SAMD5: variants seen among roughly 807,000 people sequenced by gnomAD.
SAMD5 encodes the protein sterile alpha motif domain containing 5.
Under a neutral mutation model 11.3 loss-of-function variants are expected in SAMD5, and 13 were observed. The observed-to-expected ratio is 1.15, with a 90% confidence interval of 0.75 to 1.83. The LOEUF is 1.83. SAMD5 is among the 40% of genes most tolerant of loss of function. The pLI is 0.00. For missense variants in SAMD5, 255 were observed against 239.1 expected (o/e 1.07, Z -0.44); for synonymous variants, 129 against 111.3 (o/e 1.16, Z -1.00).
chr6:147,593,290 G>T (rs545307690), intron 1 of SAMD5, among the ~76,000 whole-genome samples: 1 of 152,270 alleles, frequency 6.6e-6, no homozygotes, highest in South Asian at 2.1e-4. Context: ...TGAGAGTCTA[G>T]TAGGGAGACA....
At chr6:147,908,385 A>AG in the SAMD5 span, among the ~76,000 whole-genome samples, 1 of 152,196 alleles carries the variant, frequency 6.6e-6, no homozygotes, top group Non-Finnish European at 1.5e-5. Context: ...CTCATGCTAC[A>AG]TGAAATGCTG....
chr6:147,888,800 A>G, the SAMD5 span, among the ~76,000 whole-genome samples: 1 of 151,516 alleles, frequency 6.6e-6, no homozygotes, highest in Non-Finnish European at 1.5e-5. Context: ...CAGGAGAATC[A>G]CTTGAACCCA....
intron 1 of SAMD5, among the ~76,000 whole-genome samples, chr6:147,599,892 G>T (rs1789589862): frequency 6.6e-6 from 1 of 152,186 alleles, no homozygotes; most frequent in South Asian, 2.1e-4. Flanking sequence ...TTAGTGTACT[G>T]CTAGGGCTCC....
chr6:147,908,880 G>C, the SAMD5 span, among the ~76,000 whole-genome samples: 85 of 152,248 alleles, frequency 5.6e-4, no homozygotes, highest in African/African-American at 2.0e-3. Flanking sequence ...TTCAATACCA[G>C]ATGCAGGCTA....
At chr6:147,604,402 C>A (rs1789667654) in intron 1 of SAMD5, among the ~76,000 whole-genome samples, 1 of 152,186 alleles carries the variant, frequency 6.6e-6, no homozygotes, top group Non-Finnish European at 1.5e-5. Context: ...AATTATGCCC[C>A]TTTCCCCCTA....
chr6:147,821,494 G>C, the SAMD5 span, among the ~76,000 whole-genome samples: 2 of 152,138 alleles, frequency 1.3e-5, no homozygotes, highest in African/African-American at 4.8e-5. Context: ...AAGCTCTCAC[G>C]GCTTTGCTCC....
At chr6:147,879,976 CT>C in the SAMD5 span, among the ~76,000 whole-genome samples, 2 of 152,080 alleles carry the variant, frequency 1.3e-5, no homozygotes, top group African/African-American at 2.4e-5. Context: ...TATTTTGCTT[CT>C]TTTTAGGATA....
At position 147,566,066 on chromosome 6, in the gene SAMD5, T is replaced by C; in HGVS notation, c.*1610T>C. 2 of 984,142 alleles carry C rather than the reference T, an allele frequency of 2.0e-6. No homozygotes were observed. The highest frequency in any genetic ancestry group is 2.4e-6 in the Non-Finnish European group (2 of 828,772). 61.0% of individuals were successfully genotyped at this position (984,142 alleles called of 1,614,324 possible). A position where few individuals can be genotyped will look rare whatever the true frequency, so the allele number is the denominator to read the frequency against. On this transcript the variant is annotated 3_prime_UTR_variant, in exon 2 of 2. Transcript: ENST00000367474. Reference sequence around the variant, plus strand: ...AGAATAGATAGGCCATTAAGAAGGATATTAGGTTTCTAAGGACAATTTTAA... The same window carrying C: ...AGAATAGATAGGCCATTAAGAAGGACATTAGGTTTCTAAGGACAATTTTAA...
downstream of SAMD5, among the ~76,000 whole-genome samples, chr6:147,740,974 A>C (rs1791871489): frequency 6.6e-6 from 1 of 152,176 alleles, no homozygotes; most frequent in African/African-American, 2.4e-5. Flanking sequence ...GGGATTCAAA[A>C]TTGACTGTGT....
chr6:147,835,691 G>A, the SAMD5 span, among the ~76,000 whole-genome samples: 2 of 151,952 alleles, frequency 1.3e-5, no homozygotes, highest in Admixed American at 1.3e-4. Context: ...CCCCCACATC[G>A]CTTGGATTCT....
the SAMD5 span, among the ~76,000 whole-genome samples, chr6:147,817,276 T>C: frequency 3.3e-5 from 5 of 152,388 alleles, no homozygotes; most frequent in South Asian, 8.3e-4. Flanking sequence ...GGAAAGTGAA[T>C]GGCCCAGCTG....
At chr6:147,587,544 A>G (rs1789392119) in intron 1 of SAMD5, among the ~76,000 whole-genome samples, 1 of 152,116 alleles carries the variant, frequency 6.6e-6, no homozygotes, top group East Asian at 1.9e-4. Context: ...GCCCTTTTCA[A>G]TGACTATTGA....
chr6:147,887,446 A>C, the SAMD5 span, among the ~76,000 whole-genome samples: 1 of 152,180 alleles, frequency 6.6e-6, no homozygotes, highest in Non-Finnish European at 1.5e-5. Flanking sequence ...AGCTTCTTTC[A>C]CTCATCCATT....
At chr6:147,757,659 A>G in the SAMD5 span, among the ~76,000 whole-genome samples, 1 of 152,186 alleles carries the variant, frequency 6.6e-6, no homozygotes, top group Non-Finnish European at 1.5e-5. Context: ...TAAGGAAGCA[A>G]TGTTTAAATG....
rs1562308419 is a variant in SAMD5 at position 147,508,892 on chromosome 6, T to C, written c.-37T>C. On this transcript the variant is annotated 5_prime_UTR_variant, in exon 1 of 2. Coordinates refer to ENST00000367474, the MANE Select transcript of SAMD5 (RefSeq NM_001030060.3). ...GGTGCCGCCCGTGCCATTTGGGCGC[T>C]GGGAAGGTGCTCGGCGGCGGGGTTC... 1.3e-6 allele frequency: 2 copies of C among 1,583,658 alleles called. No individual in the cohort carries two copies. Among genetic ancestry groups the C allele is most frequent in the Non-Finnish European group, 1.7e-6 (2 of 1,166,368 alleles).
At chr6:147,545,851 G>A (rs748670979) in intron 1 of SAMD5, among the ~76,000 whole-genome samples, 53 of 152,066 alleles carry the variant, frequency 3.5e-4, no homozygotes, top group Non-Finnish European at 7.2e-4. Flanking sequence ...AAGTGTATTA[G>A]GATAGGAATT....
chr6:147,723,600 C>T lies in SAMD5; in HGVS notation c.163-13717C>T, dbSNP rs181922685. 3.8e-3 allele frequency among the ~76,000 whole-genome samples: 579 copies of T among 152,002 alleles called. 4 individuals carry two copies. Among genetic ancestry groups the T allele is most frequent in the African/African-American group, 0.013 (551 of 41,278 alleles). On this transcript the variant is annotated intron_variant, in intron 1 of 1. Coordinates refer to the SAMD5 transcript ENST00000566741. Reference sequence around the variant, plus strand: ...TTCATAATCATGCAGTAGAGAGTTGCAGGTGTGTGTGAATCCTCCTCATGT... The same window carrying T: ...TTCATAATCATGCAGTAGAGAGTTGTAGGTGTGTGTGAATCCTCCTCATGT...
the SAMD5 span, among the ~76,000 whole-genome samples, chr6:147,880,950 T>C: frequency 6.6e-6 from 1 of 152,190 alleles, no homozygotes; most frequent in Non-Finnish European, 1.5e-5. Flanking sequence ...AGGATGTTAA[T>C]CTGTAGGCCT....
At chr6:147,698,059 G>T (rs528585524) in intron 1 of SAMD5, among the ~76,000 whole-genome samples, 1 of 152,130 alleles carries the variant, frequency 6.6e-6, no homozygotes, top group Non-Finnish European at 1.5e-5. Flanking sequence ...TAGATCCCCC[G>T]CACACGCAGT....
Sources: allele counts gnomAD v4.1 joint callset (sites outside exome capture counted in the v4.1 genomes callset), GRCh38; gene constraint gnomAD v4.1.1; transcripts MANE v1.5; gene names NCBI Gene and HGNC (gene_info 2026-07-23, HGNC 2026-07-21).